Variants in SGCZ observed in about 807,000 individuals in gnomAD.
SGCZ encodes sarcoglycan zeta.
Under a neutral mutation model 41.3 loss-of-function variants are expected in SGCZ, and 40 were observed. The observed-to-expected ratio is 0.97, with a 90% confidence interval of 0.75 to 1.26. The LOEUF (loss-of-function observed/expected upper bound fraction) is 1.26, where lower values mean the gene tolerates loss of function less well. Among genes scored for constraint, SGCZ ranks in the 50% most tolerant of loss-of-function variants. The probability of loss-of-function intolerance (pLI) is 0.00; values close to 1 mark genes in which losing one functional copy is unlikely to be tolerated. For synonymous variants in SGCZ, 206 were observed against 137.5 expected (o/e 1.50, Z -3.49); for missense variants, 552 against 369.8 (o/e 1.49, Z -4.04).
intron 2 of SGCZ, among the ~76,000 whole-genome samples, chr8:14,499,077 T>C (rs189979511): frequency 1.3e-3 from 196 of 152,188 alleles, no homozygotes; most frequent in Admixed American, 2.7e-3. Context: ...TGACCTCTTA[T>C]TATTTTATTT....
intron 1 of SGCZ, among the ~76,000 whole-genome samples, chr8:15,107,689 T>A (rs975600930): frequency 6.6e-6 from 1 of 152,138 alleles, no homozygotes; most frequent in Non-Finnish European, 1.5e-5. Context: ...TTACCCAGCC[T>A]CAGGTATTCA....
chr8:14,260,382 C>A (rs1327509537), intron 3 of SGCZ, among the ~76,000 whole-genome samples: 1 of 145,960 alleles, frequency 6.9e-6, no homozygotes, highest in African/African-American at 2.5e-5. Context: ...AAATACAAAT[C>A]AAAACCACAA....
At chr8:14,639,884 C>G (rs1296360134) in intron 1 of SGCZ, among the ~76,000 whole-genome samples, 1 of 151,462 alleles carries the variant, frequency 6.6e-6, no homozygotes, top group East Asian at 2.0e-4. Flanking sequence ...ATCAATATCT[C>G]CCTACCTCCT....
intron 1 of SGCZ, among the ~76,000 whole-genome samples, chr8:14,711,105 C>T (rs1480787545): frequency 6.6e-6 from 1 of 152,116 alleles, no homozygotes; most frequent in East Asian, 1.9e-4. Context: ...TCCACAATTA[C>T]TTGTTAAGTA....
At chr8:14,765,575 A>T (rs933151305) in intron 1 of SGCZ, among the ~76,000 whole-genome samples, 5 of 152,186 alleles carry the variant, frequency 3.3e-5, no homozygotes, top group African/African-American at 4.8e-5. Context: ...AGCAAACAGG[A>T]TGAATATATT....
chr8:14,463,402 G>C (rs1800957053), intron 2 of SGCZ, among the ~76,000 whole-genome samples: 1 of 129,308 alleles, frequency 7.7e-6, no homozygotes, highest in Non-Finnish European at 1.7e-5. Context: ...TTAACAAGTG[G>C]TGTAAAAAAA....
At chr8:14,388,594 G>A (rs1039824205) in intron 2 of SGCZ, among the ~76,000 whole-genome samples, 17 of 151,960 alleles carry the variant, frequency 1.1e-4, no homozygotes, top group Non-Finnish European at 4.4e-5. Context: ...ACTTCAACCT[G>A]AAAAATAAAT....
chr8:14,254,845 A>C (rs1799406264), intron 3 of SGCZ, among the ~76,000 whole-genome samples: 1 of 152,136 alleles, frequency 6.6e-6, no homozygotes. Flanking sequence ...TGAGGAACTG[A>C]TCTGTATTCA....
intron 2 of SGCZ, among the ~76,000 whole-genome samples, chr8:14,466,041 T>G (rs760099906): frequency 5.9e-5 from 9 of 152,118 alleles, no homozygotes; most frequent in Non-Finnish European, 1.3e-4. Flanking sequence ...GCTCACAGTT[T>G]ATCTTTACTG....
chr8:15,131,553 T>A (rs1229211472), intron 1 of SGCZ, among the ~76,000 whole-genome samples: 1 of 152,272 alleles, frequency 6.6e-6, no homozygotes, highest in East Asian at 1.9e-4. Context: ...AAATGATATT[T>A]TATTTTTATG....
chr8:14,859,990 G>C (rs75198142), intron 1 of SGCZ, among the ~76,000 whole-genome samples: 2 of 152,016 alleles, frequency 1.3e-5, no homozygotes, highest in East Asian at 3.9e-4. Flanking sequence ...TTATGTGCTA[G>C]GAAAGCAAAA....
At chr8:14,687,748 T>C (rs1410296305) in intron 1 of SGCZ, among the ~76,000 whole-genome samples, 1 of 151,826 alleles carries the variant, frequency 6.6e-6, no homozygotes, top group African/African-American at 2.4e-5. Context: ...TTTCTAGTTC[T>C]AGATCCCTGA....
chr8:14,384,715 A>G (rs1804504464), intron 2 of SGCZ, among the ~76,000 whole-genome samples: 1 of 152,088 alleles, frequency 6.6e-6, no homozygotes, highest in Admixed American at 6.5e-5. Flanking sequence ...ATATGCCACC[A>G]TACCCGGCTA....
At chr8:14,507,695 C>G (rs1162959062) in intron 2 of SGCZ, among the ~76,000 whole-genome samples, 6 of 151,692 alleles carry the variant, frequency 4.0e-5, no homozygotes, top group African/African-American at 1.5e-4. Flanking sequence ...TTCAAGTTTT[C>G]TATGCTTACT....
At chr8:14,420,900 C>A (rs1337583660) in intron 2 of SGCZ, among the ~76,000 whole-genome samples, 2 of 152,034 alleles carry the variant, frequency 1.3e-5, no homozygotes, top group Non-Finnish European at 2.9e-5. Flanking sequence ...CAGTTCTTTC[C>A]AGATTTAACG....
At chr8:14,374,397 A>T (rs1804031438) in intron 2 of SGCZ, among the ~76,000 whole-genome samples, 1 of 152,196 alleles carries the variant, frequency 6.6e-6, no homozygotes, top group African/African-American at 2.4e-5. Flanking sequence ...TTTTAGGAAC[A>T]AAAGGGAAAA....
intron 1 of SGCZ, among the ~76,000 whole-genome samples, chr8:14,578,576 T>C (rs1316203646): frequency 2.0e-5 from 3 of 152,222 alleles, no homozygotes; most frequent in African/African-American, 7.2e-5. Context: ...AAAGTGAATA[T>C]AATTTAATTA....
intron 4 of SGCZ, among the ~76,000 whole-genome samples, chr8:14,197,349 C>T (rs1260564986): frequency 6.6e-6 from 1 of 151,960 alleles, no homozygotes; most frequent in Non-Finnish European, 1.5e-5. Flanking sequence ...GAAGGTAGAA[C>T]AATATCCTTC....
At chr8:14,148,075 T>C (rs906591487) in intron 5 of SGCZ, among the ~76,000 whole-genome samples, 13 of 152,094 alleles carry the variant, frequency 8.5e-5, no homozygotes, top group African/African-American at 2.9e-4. Flanking sequence ...GGGACCATTA[T>C]AGATATAAGT....
Sources: gnomAD v4.1 joint callset for allele counts (sites outside exome capture counted in the v4.1 genomes callset) on GRCh38, gnomAD v4.1.1 for gene constraint, MANE v1.5 for transcripts, NCBI Gene and HGNC (gene_info 2026-07-23, HGNC 2026-07-21) for gene names.